The following DYNC1H1 variants were observed in gnomAD, a reference collection of about 807,000 sequenced individuals.
DYNC1H1 encodes cytoplasmic dynein 1 heavy chain 1.
In DYNC1H1, 51 loss-of-function variants were observed where a neutral mutation model predicts 527.1. The ratio of observed to expected loss-of-function variants is 0.10; its 90% CI spans 0.08 to 0.12. DYNC1H1 has a LOEUF of 0.12. DYNC1H1 is among the 10% of genes least tolerant of loss of function. The pLI, the probability that DYNC1H1 is intolerant of heterozygous loss-of-function variation, is 1.00. For synonymous variants in DYNC1H1, 2,189 were observed against 2,278.8 expected (o/e 0.96, Z 1.12); for missense variants, 2,771 against 5,971.8 (o/e 0.46, Z 17.66).
rs2048148400 is a variant in DYNC1H1, at chr14:102,002,927, G to A, written c.4845G>A (p.Leu1615=). The change falls in exon 23 of 78, where the codon TTG becomes TTA. Residue 1615 remains leucine (L), a synonymous_variant. Transcript: ENST00000360184. The surrounding 1 kb of genome is among the most constrained non-coding windows in gnomAD (Gnocchi z 4.4). ...TGCTAGGAAAGATCCAGAAAGCATT[G>A]GGAGAATATCTGGAAAGAGAGCGGT... is the stretch of plus-strand genomic sequence containing the variant. ...ADLLGKIQKA[L]GEYLERERSS... 4 of 1,614,170 alleles carry A rather than the reference G, an allele frequency of 2.5e-6. No individual in the cohort carries two copies. In the South Asian group the frequency reaches 4.4e-5, roughly 18 times the overall value.
chr14:102,052,878 T>C lies in DYNC1H1; in HGVS notation c.*2315T>C, dbSNP rs1234916954. On this transcript the variant is annotated 3_prime_UTR_variant, in exon 78 of 78. Transcript: ENST00000360184. The stretch of plus-strand genomic sequence containing the variant: ...GGGCGTCTACTATATGAACTTCCTC[T>C]GGACTCTGACTTCAGTGTGTAGGAA... The C allele has an allele frequency of 6.6e-6, 1 of 152,226 alleles. No homozygotes were observed. Among genetic ancestry groups the C allele is most frequent in the African/African-American group, 2.4e-5 (1 of 41,458 alleles). 9.4% of individuals were successfully genotyped at this position (152,226 alleles called of 1,614,324 possible). A position where few individuals can be genotyped will look rare whatever the true frequency, so the allele number is the denominator to read the frequency against.
chr14:101,971,220 T>A lies in DYNC1H1; in HGVS notation c.257-4492T>A, dbSNP rs2047735413. Among the ~76,000 whole-genome samples, 3 of 143,452 alleles carry A rather than the reference T, an allele frequency of 2.1e-5. No homozygotes were observed. The South Asian group carries it at 7.0e-4, about 34-fold the overall frequency. 94.1% of individuals were successfully genotyped at this position (143,452 alleles called of 152,430 possible). A position where few individuals can be genotyped will look rare whatever the true frequency, so the allele number is the denominator to read the frequency against. On this transcript the variant is annotated intron_variant, in intron 1 of 77. Transcript: ENST00000360184. The stretch of plus-strand genomic sequence containing the variant: ...TCAAGAGATCCTCCCGCCACAGACA[T>A]GCACCACCACGCTCTGCTAATTTTT...
At position 101,985,780 on chromosome 14, in the gene DYNC1H1, G is replaced by A; in HGVS notation, c.1555G>A (p.Ala519Thr). The A allele has an allele frequency of 6.2e-7, 1 of 1,614,214 alleles. No homozygotes were observed. Residue 519 changes from alanine to threonine, a missense_variant, in exon 8 of 78, where the codon GCC (alanine) becomes ACC (threonine). Ala to Thr is a moderately conservative substitution (Grantham distance 58). Coordinates refer to ENST00000360184, the MANE Select transcript of DYNC1H1 (RefSeq NM_001376.5). This position sits in a 1 kb window ranked among gnomAD's most constrained non-coding sequence, Gnocchi z 5.9. ...EVLFDAADAN[A>T]IEEVNLAYEN... is the part of the protein sequence containing the mutation. ...TCTCTTTGATGCTGCAGATGCAAATGCCATTGAGGAAGTAAACCTTGCTTA... is the reference window on the plus strand; with the variant it reads ...TCTCTTTGATGCTGCAGATGCAAATACCATTGAGGAAGTAAACCTTGCTTA...
At chr14:102,003,093 A>G in intron 23 of DYNC1H1, 128 bp downstream of exon 23, 1 of 1,219,362 alleles carries the variant, frequency 8.2e-7, no homozygotes, top group Non-Finnish European at 1.2e-6. Flanking sequence ...TTAGCCAATA[A>G]TACATATAAT....
intron 10 of DYNC1H1, 83 bp downstream of exon 10, chr14:101,988,935 T>G (rs1448707104): frequency 6.4e-7 from 1 of 1,571,778 alleles, no homozygotes; most frequent in Non-Finnish European, 8.6e-7. Context: ...GAAAGGTCAC[T>G]TAGTGTGGAC....
chr14:102,020,198 G>A lies in DYNC1H1; in HGVS notation c.8507+142G>A. 8.4e-7 allele frequency: 1 copy of A among 1,184,724 alleles called. No homozygotes were observed. Among genetic ancestry groups the A allele is most frequent in the Non-Finnish European group, 1.2e-6 (1 of 827,120 alleles). The allele number at this position is 1,184,724 out of a possible 1,614,324, so 73.4% of individuals were successfully genotyped here. A position where few individuals can be genotyped will look rare whatever the true frequency, so the allele number is the denominator to read the frequency against. ...GTGGTGGAAGGAGCAGAGTCAGCCA[G>A]GGCAGCCTCCCGTCTGGACACTGGT... On this transcript the variant is annotated intron_variant, in intron 42 of 77. Transcript: ENST00000360184. The surrounding 1 kb of genome is among the most constrained non-coding windows in gnomAD (Gnocchi z 4.3).
Position 102,044,841 on chromosome 14 carries a change from T to C in DYNC1H1, c.13006+143T>C. ...CCTGGTTATGCTGGGTGTGGCTCTG[T>C]CAGCCTCGGCCTTCCTGCCAGTCTC... On this transcript the variant is annotated intron_variant, in intron 72 of 77. Transcript: ENST00000360184. The surrounding 1 kb of genome is among the most constrained non-coding windows in gnomAD (Gnocchi z 7.1). 1.0e-6 allele frequency: 1 copy of C among 969,750 alleles called. No homozygotes were observed. The highest frequency in any genetic ancestry group is 2.6e-5 in the East Asian group (1 of 38,010). The allele number at this position is 969,750 out of a possible 1,614,324, so 60.1% of individuals were successfully genotyped here.
intron 72 of DYNC1H1, among the ~76,000 whole-genome samples, chr14:102,045,610 CAAAAAAG>C (rs1411290087): frequency 2.0e-5 from 3 of 150,222 alleles, no homozygotes; most frequent in African/African-American, 7.3e-5. Flanking sequence ...GATTCTGTCT[CAAAAAAG>C]AAAAAAGAAA....
At chr14:102,023,553 G>GAA in intron 43 of DYNC1H1, 1 of 152,388 alleles carries the variant, frequency 6.6e-6, no homozygotes, top group Non-Finnish European at 1.4e-5. Context: ...CTGTCTCAAA[G>GAA]AAAAAAAAAA....
chr14:102,013,124 C>T (rs2048277128), intron 34 of DYNC1H1, among the ~76,000 whole-genome samples: 1 of 151,732 alleles, frequency 6.6e-6, no homozygotes, highest in Non-Finnish European at 1.5e-5. Context: ...TGGTGGGTGC[C>T]TGTAGTCCCA....
At chr14:101,994,365 A>C in intron 12 of DYNC1H1, 41 bp downstream of exon 12, 1 of 1,613,684 alleles carries the variant, frequency 6.2e-7, no homozygotes, top group South Asian at 1.1e-5. Flanking sequence ...CATATGGTCT[A>C]TTCTAGACAC....
chr14:102,011,050 AAAG>A lies in DYNC1H1; in HGVS notation c.6618+99_6618+101del. On this transcript the variant is annotated intron_variant, in intron 32 of 77. Transcript: ENST00000360184. This position sits in a 1 kb window ranked among gnomAD's most constrained non-coding sequence, Gnocchi z 5.3. ...TGGGCCCTTCGATGAAACTGTCCAC[AAAG>A]GCTGTGGAGGTGCATAATATGCTTT... The A allele has an allele frequency of 7.6e-7, 1 of 1,310,654 alleles. No individual in the cohort carries two copies. Among genetic ancestry groups the A allele is most frequent in the Non-Finnish European group, 1.1e-6 (1 of 907,558 alleles). The allele number at this position is 1,310,654 out of a possible 1,614,324, so 81.2% of individuals were successfully genotyped here. A position where few individuals can be genotyped will look rare whatever the true frequency, so the allele number is the denominator to read the frequency against.
chr14:101,990,578 A>G (rs996888071), intron 10 of DYNC1H1, among the ~76,000 whole-genome samples: 2 of 152,188 alleles, frequency 1.3e-5, no homozygotes, highest in African/African-American at 2.4e-5. Context: ...TTGAGTATCA[A>G]AACTATTTTA....
chr14:101,985,274 A>G lies in DYNC1H1; in HGVS notation c.1462-413A>G, dbSNP rs1048781933. Among the ~76,000 whole-genome samples, 6 of 152,146 alleles carry G rather than the reference A, an allele frequency of 3.9e-5. No homozygotes were observed. The highest frequency in any genetic ancestry group is 1.2e-4 in the African/African-American group (5 of 41,442). ...TGCCTGAGATTTATAAAACAATTAA[A>G]TGACTAATTTCTTTATATATATTTT... On this transcript the variant is annotated intron_variant, in intron 7 of 77. Transcript: ENST00000360184. The surrounding 1 kb of genome is among the most constrained non-coding windows in gnomAD (Gnocchi z 5.9).
rs200149883 is a variant in DYNC1H1 at position 102,050,495 on chromosome 14, G to A, written c.13873G>A (p.Glu4625Lys). 20 of 1,614,188 alleles carry A rather than the reference G, an allele frequency of 1.2e-5. No individual in the cohort carries two copies. The Admixed American group carries it at 2.8e-4, about 23-fold the overall frequency. ...AGACCTCATCTTCACCGTGGACTTC[G>A]AAATTGCTACAAAGGAGGATCCTCG... ...RADLIFTVDF[E>K]IATKEDPRSF... is the part of the protein sequence containing the mutation. The change falls in exon 78 of 78, where the codon GAA becomes AAA. Residue 4625 changes from glutamate (E) to lysine (K), a missense_variant. This residue lies in a region of DYNC1H1 where 106 missense variants were observed against 139.2 expected (regional missense o/e 0.76). Transcript: ENST00000360184.
Position 102,039,560 on chromosome 14 carries a change from CT to C in DYNC1H1, c.11595+15del, listed in dbSNP as rs2048619029. 1 of 1,614,116 alleles carries C rather than the reference CT, an allele frequency of 6.2e-7. No individual in the cohort carries two copies. Among genetic ancestry groups the C allele is most frequent in the African/African-American group, 1.3e-5 (1 of 74,942 alleles). ...GACCTCTTCCAGGTAGAGTGAGGTC[CT>C]CAGCCGCTCCCTGGCGGGGGGGAAG... On this transcript the variant is annotated intron_variant, in intron 61 of 77. Coordinates refer to ENST00000360184, the MANE Select transcript of DYNC1H1 (RefSeq NM_001376.5). The surrounding 1 kb of genome is among the most constrained non-coding windows in gnomAD (Gnocchi z 7.0).
intron 77 of DYNC1H1, 106 bp from the exon 78 acceptor site, chr14:102,050,329 C>A: frequency 6.2e-7 from 1 of 1,610,618 alleles, no homozygotes; most frequent in Admixed American, 1.7e-5. Context: ...ATCCATTTCG[C>A]ACCTGTCCAA....
In DYNC1H1 at chr14:102,002,882, T is replaced by C. The variant is rs2048148040; in HGVS notation, c.4800T>C (p.Ser1600=). The C allele has an allele frequency of 6.2e-7, 1 of 1,614,152 alleles. No homozygotes were observed. The highest frequency in any genetic ancestry group is 1.1e-5 in the South Asian group (1 of 91,094). The part of the protein sequence containing the change: ...DVLNIQGVQR[S]LERLADLLGK... ...TGAACATCCAGGGAGTACAGAGGTC[T>C]CTGGAAAGATTGGCAGACCTGCTAG... Residue 1600 remains serine (S), a synonymous_variant, in exon 23 of 78, where the codon TCT becomes TCC. Transcript: ENST00000360184. The surrounding 1 kb of genome is among the most constrained non-coding windows in gnomAD (Gnocchi z 4.4).
At chr14:102,045,720 G>C (rs567571831) in intron 72 of DYNC1H1, among the ~76,000 whole-genome samples, 1 of 152,076 alleles carries the variant, frequency 6.6e-6, no homozygotes, top group South Asian at 2.1e-4. Flanking sequence ...TTTTTTAGCA[G>C]TCTTTGTTTC....
Sources: gnomAD v4.1 joint callset for allele counts (sites outside exome capture counted in the v4.1 genomes callset) on GRCh38, gnomAD v4.1.1 for gene constraint, gnomAD v4.1.1 regional missense constraint, Gnocchi (gnomAD v3.1) non-coding constraint, MANE v1.5 for transcripts, NCBI Gene and HGNC (gene_info 2026-07-23, HGNC 2026-07-21) for gene names.